Variants in MKLN1 observed in about 807,000 individuals in gnomAD.
MKLN1 encodes muskelin 1.
Under a neutral mutation model 99.0 loss-of-function variants are expected in MKLN1, and 18 were observed. The observed-to-expected ratio is 0.18, with a 90% CI of 0.13 to 0.27. The LOEUF (loss-of-function observed/expected upper bound fraction) is 0.27, where lower values mean the gene tolerates loss of function less well. MKLN1 is among the 10% of genes least tolerant of loss of function. The pLI is 1.00. For synonymous variants in MKLN1, 288 were observed against 293.2 expected (o/e 0.98, Z 0.18); for missense variants, 621 against 875.9 (o/e 0.71, Z 3.67).
intron 2 of MKLN1, among the ~76,000 whole-genome samples, chr7:131,171,368 G>A (rs1293194706): frequency 6.6e-6 from 1 of 152,222 alleles, no homozygotes; most frequent in Admixed American, 6.5e-5. Flanking sequence ...GGGCAATACA[G>A]TTGGCAGGTG....
chr7:131,417,092 G>A (rs993714922), intron 8 of MKLN1, among the ~76,000 whole-genome samples: 9 of 151,840 alleles, frequency 5.9e-5, no homozygotes, highest in Non-Finnish European at 1.3e-4. Flanking sequence ...TTGTAGTCAT[G>A]GAATTTTACT....
intron 3 of MKLN1, among the ~76,000 whole-genome samples, chr7:131,254,075 C>T (rs1797621592): frequency 6.6e-6 from 1 of 152,154 alleles, no homozygotes; most frequent in Non-Finnish European, 1.5e-5. Flanking sequence ...AGCCTAACAC[C>T]TAGGGCTTAT....
intron 3 of MKLN1, among the ~76,000 whole-genome samples, chr7:131,388,415 G>A (rs916403449): frequency 1.1e-4 from 16 of 152,272 alleles, no homozygotes; most frequent in African/African-American, 3.6e-4. Flanking sequence ...ACAGAGTAAG[G>A]TTGGCTTTGA....
At position 131,387,072 on chromosome 7, in the gene MKLN1, A is replaced by G. The variant is rs1794052564; in HGVS notation, c.169-48A>G. The G allele has an allele frequency of 4.0e-6, 6 of 1,518,020 alleles. No homozygotes were observed. The African/African-American group carries it at 5.6e-5, about 14-fold the overall frequency. The allele number at this position is 1,518,020 out of a possible 1,614,324, so 94.0% of individuals were successfully genotyped here. On this transcript the variant is annotated intron_variant, in intron 2 of 17. Transcript: ENST00000352689. ...GGCAATAGTTTTAAAGTTGTCTAAC[A>G]TTTGTTTTAAACAGAAGAGGATATA...
At chr7:131,340,704 T>C (rs1290418931) in intron 1 of MKLN1, among the ~76,000 whole-genome samples, 1 of 152,248 alleles carries the variant, frequency 6.6e-6, no homozygotes, top group Non-Finnish European at 1.5e-5. Flanking sequence ...ATAATATTTA[T>C]TAAATGAGTA....
At chr7:131,394,427 G>A (rs1376011866) in intron 4 of MKLN1, among the ~76,000 whole-genome samples, 2 of 152,030 alleles carry the variant, frequency 1.3e-5, no homozygotes, top group African/African-American at 2.4e-5. Flanking sequence ...TCAAGCATTA[G>A]ATTCTCATAA....
chr7:131,225,682 G>A (rs984985813), intron 3 of MKLN1, among the ~76,000 whole-genome samples: 45 of 152,148 alleles, frequency 3.0e-4, no homozygotes, highest in African/African-American at 1.0e-3. Context: ...ATCCTTTGTC[G>A]AGTTGGGTAT....
chr7:131,395,522 G>A (rs954139067), intron 4 of MKLN1, among the ~76,000 whole-genome samples: 3 of 145,724 alleles, frequency 2.1e-5, no homozygotes, highest in African/African-American at 7.8e-5. Flanking sequence ...TGGTGGTGAG[G>A]CATACAGTGC....
At chr7:131,398,175 C>A (rs569815109) in intron 5 of MKLN1, among the ~76,000 whole-genome samples, 1 of 152,170 alleles carries the variant, frequency 6.6e-6, no homozygotes, top group African/African-American at 2.4e-5. Context: ...TCCATGTCAT[C>A]TGTTTGTTTG....
At chr7:131,144,397 G>T (rs1010712294) in intron 2 of MKLN1, among the ~76,000 whole-genome samples, 6 of 151,596 alleles carry the variant, frequency 4.0e-5, no homozygotes, top group Admixed American at 2.6e-4. Flanking sequence ...AAGGAGAATG[G>T]CATGAACCTG....
At chr7:131,327,727 C>A (rs953491841), upstream of MKLN1, 6 of 1,207,746 alleles carry the variant, frequency 5.0e-6, no homozygotes, top group African/African-American at 7.9e-5. Context: ...GAGCGAGCGA[C>A]GTGGGAAACC....
chr7:131,200,633 T>G (rs1184640499), intron 2 of MKLN1, among the ~76,000 whole-genome samples: 2 of 152,190 alleles, frequency 1.3e-5, no homozygotes, highest in African/African-American at 4.8e-5. Context: ...AACCATTATA[T>G]CAAAATTGAA....
At chr7:131,471,176 G>A in intron 16 of MKLN1, 3 of 353,864 alleles carry the variant, frequency 8.5e-6, no homozygotes, top group Non-Finnish European at 1.5e-5. Context: ...AGGATTATCA[G>A]GTATAAAGTT....
At chr7:131,165,238 T>G (rs1317618129) in intron 2 of MKLN1, among the ~76,000 whole-genome samples, 1 of 152,048 alleles carries the variant, frequency 6.6e-6, no homozygotes, top group East Asian at 1.9e-4. Flanking sequence ...CAGGCTGGAG[T>G]GTAATGGCGC....
At chr7:131,466,933 GCGCA>G (rs896857811) in intron 15 of MKLN1, among the ~76,000 whole-genome samples, 1 of 151,812 alleles carries the variant, frequency 6.6e-6, no homozygotes, top group African/African-American at 2.4e-5. Context: ...ACGCGCGCGC[GCGCA>G]CACACGCACG....
chr7:131,428,494 C>G (rs1795425094), intron 8 of MKLN1, among the ~76,000 whole-genome samples: 1 of 152,060 alleles, frequency 6.6e-6, no homozygotes, highest in Admixed American at 6.5e-5. Context: ...TTTGATATAG[C>G]AATAGAGAGA....
intron 3 of MKLN1, among the ~76,000 whole-genome samples, chr7:131,293,374 G>A (rs1349103535): frequency 6.6e-6 from 1 of 152,202 alleles, no homozygotes; most frequent in African/African-American, 2.4e-5. Context: ...GGGATAGTTT[G>A]TTATGCAGTA....
rs1484689100 is a variant in MKLN1, at chr7:131,487,112, G to A, written c.2087-495G>A. Among the ~76,000 whole-genome samples the A allele has an allele frequency of 6.6e-6, 1 of 152,044 alleles. No individual in the cohort carries two copies. The highest frequency in any genetic ancestry group is 2.4e-5 in the African/African-American group (1 of 41,406). On this transcript the variant is annotated intron_variant, in intron 17 of 17. Transcript: ENST00000352689. The surrounding 1 kb of genome is among the most constrained non-coding windows in gnomAD (Gnocchi z 4.7). ...TTCCAGCTGTCTCAGAGACATTAAT[G>A]ATTTTAGACTAATTTCTAAAGACCT...
rs61009863 is a variant in MKLN1 at position 131,429,860 on chromosome 7, G to T, written c.960+715G>T. 6.3e-3 allele frequency among the ~76,000 whole-genome samples: 956 copies of T among 152,284 alleles called. 8 individuals carry two copies. The highest frequency in any genetic ancestry group is 0.022 in the African/African-American group (900 of 41,562). Reference sequence around the variant, plus strand: ...CTCCCAAAGTACTGGGATTATAGGCGTGAGCCACTGCGCCTGGCTGATACA... The same window carrying T: ...CTCCCAAAGTACTGGGATTATAGGCTTGAGCCACTGCGCCTGGCTGATACA... On this transcript the variant is annotated intron_variant, in intron 9 of 17. Transcript: ENST00000352689.
Sources: gnomAD v4.1 joint callset for allele counts (sites outside exome capture counted in the v4.1 genomes callset) on GRCh38, gnomAD v4.1.1 for gene constraint, Gnocchi (gnomAD v3.1) non-coding constraint, MANE v1.5 for transcripts, NCBI Gene and HGNC (gene_info 2026-07-23, HGNC 2026-07-21) for gene names.